Variants in WDPCP observed in about 807,000 individuals in gnomAD.
The protein encoded by WDPCP is WD repeat-containing and planar cell polarity effector protein fritz homolog.
WDPCP carries 71 observed loss-of-function variants against 93.1 expected under a neutral mutation model. The observed-to-expected ratio is 0.76, with a 90% CI of 0.63 to 0.93. The LOEUF (loss-of-function observed/expected upper bound fraction) is 0.93. WDPCP is among the 40% of genes least tolerant of loss of function. The pLI is 0.00. For synonymous variants in WDPCP, 315 were observed against 315.0 expected (o/e 1.00, Z 0.00); for missense variants, 844 against 887.4 (o/e 0.95, Z 0.62).
intron 2 of WDPCP, among the ~76,000 whole-genome samples, chr2:63,766,861 T>C (rs907587895): frequency 1.3e-5 from 2 of 152,176 alleles, no homozygotes; most frequent in African/African-American, 4.8e-5. Context: ...TTTCATTTTG[T>C]AAAACTGAAA....
chr2:63,700,089 C>T (rs1669022651), intron 2 of WDPCP, among the ~76,000 whole-genome samples: 2 of 151,732 alleles, frequency 1.3e-5, no homozygotes, highest in South Asian at 4.2e-4. Context: ...AGTTTGACAC[C>T]CGCCTGGGCA....
chr2:63,638,990 C>T (rs1310444117), intron 3 of WDPCP, among the ~76,000 whole-genome samples: 3 of 152,088 alleles, frequency 2.0e-5, no homozygotes, highest in Non-Finnish European at 4.4e-5. Context: ...ATATTAAGAA[C>T]AATTCTATGT....
At chr2:63,589,331 C>T, upstream of WDPCP, 1 of 1,550,604 alleles carries the variant, frequency 6.4e-7, no homozygotes, top group Middle Eastern at 1.7e-4. Context: ...GGACAAAATG[C>T]GACGCTGCAG....
intron 12 of WDPCP, among the ~76,000 whole-genome samples, chr2:63,313,888 T>TGTG (rs1686414633): frequency 1.4e-3 from 7 of 5,000 alleles, no homozygotes; most frequent in East Asian, 0.036. Context: ...ATATATATAT[T>TGTG]TTTTTTTTTT....
At chr2:63,607,851 GAAAAC>G (rs1709569677) in intron 3 of WDPCP, among the ~76,000 whole-genome samples, 2 of 149,850 alleles carry the variant, frequency 1.3e-5, no homozygotes, top group African/African-American at 4.9e-5. Context: ...AAGAAGAAAA[GAAAAC>G]AAACTCGAAT....
At chr2:63,689,652 A>T (rs1256785553) in intron 2 of WDPCP, among the ~76,000 whole-genome samples, 5 of 152,182 alleles carry the variant, frequency 3.3e-5, no homozygotes, top group Non-Finnish European at 7.4e-5. Flanking sequence ...AAACAGCATC[A>T]TTGCTTCTGA....
intron 10 of WDPCP, among the ~76,000 whole-genome samples, chr2:63,382,967 A>G (rs1222442949): frequency 6.6e-6 from 1 of 152,158 alleles, no homozygotes; most frequent in Non-Finnish European, 1.5e-5. Flanking sequence ...TTGGCAGTAG[A>G]TATTAATTCA....
intron 2 of WDPCP, among the ~76,000 whole-genome samples, chr2:63,809,532 T>A (rs943563284): frequency 6.6e-6 from 1 of 152,212 alleles, no homozygotes; most frequent in Non-Finnish European, 1.5e-5. Flanking sequence ...TAGAAAGAAG[T>A]AGACATGGGA....
At chr2:63,666,949 C>T (rs912947591) in intron 2 of WDPCP, among the ~76,000 whole-genome samples, 9 of 152,064 alleles carry the variant, frequency 5.9e-5, no homozygotes, top group African/African-American at 2.2e-4. Context: ...AATGCAGATG[C>T]TTTTCGTTAA....
chr2:63,832,145 A>T (rs1051089805), upstream of WDPCP, among the ~76,000 whole-genome samples: 16 of 152,346 alleles, frequency 1.1e-4, no homozygotes, highest in Admixed American at 3.3e-4. Flanking sequence ...AGGCAGTTTA[A>T]TGAGAGCTGG....
chr2:63,437,983 A>G, intron 7 of WDPCP: 1 of 1,364,648 alleles, frequency 7.3e-7, no homozygotes. Context: ...AGTGTTCTCT[A>G]CCAGTCTATT....
intron 14 of WDPCP, among the ~76,000 whole-genome samples, chr2:63,187,925 G>A (rs1212257231): frequency 6.6e-6 from 1 of 152,096 alleles, no homozygotes; most frequent in African/African-American, 2.4e-5. Flanking sequence ...ATCTGGAAAG[G>A]TCTTCATTTC....
intron 2 of WDPCP, among the ~76,000 whole-genome samples, chr2:63,754,626 C>T (rs1308792966): frequency 1.3e-5 from 2 of 152,138 alleles, no homozygotes; most frequent in African/African-American, 2.4e-5. Flanking sequence ...AAGTTTATTT[C>T]TCTCTCAACA....
chr2:63,215,899 T>C (rs182162922), intron 14 of WDPCP, among the ~76,000 whole-genome samples: 91 of 152,256 alleles, frequency 6.0e-4, no homozygotes, highest in Non-Finnish European at 4.6e-4. Flanking sequence ...GGGCAAAGGA[T>C]ATGAACAGAC....
intron 10 of WDPCP, among the ~76,000 whole-genome samples, chr2:63,401,624 G>A (rs948839725): frequency 3.9e-5 from 6 of 152,190 alleles, no homozygotes; most frequent in Admixed American, 3.3e-4. Context: ...GGGCAACATG[G>A]TAAAACCCTG....
At chr2:63,770,455 T>C (rs1315367545) in intron 2 of WDPCP, among the ~76,000 whole-genome samples, 2 of 152,028 alleles carry the variant, frequency 1.3e-5, no homozygotes, top group Admixed American at 6.6e-5. Flanking sequence ...TGTATTCAAC[T>C]ATTTTTTACC....
chr2:63,763,770 T>C (rs1670096563), intron 2 of WDPCP, among the ~76,000 whole-genome samples: 1 of 152,178 alleles, frequency 6.6e-6, no homozygotes. Flanking sequence ...GGCTATTTAT[T>C]TGTGCCAAAA....
intron 12 of WDPCP, among the ~76,000 whole-genome samples, chr2:63,332,025 G>C (rs933125730): frequency 6.6e-6 from 1 of 151,474 alleles, no homozygotes; most frequent in Non-Finnish European, 1.5e-5. Flanking sequence ...GGTGCTTTAA[G>C]TATTCATGTA....
Position 63,701,246 on chromosome 2 carries a change from T to TA in WDPCP, n.309-50409dup, listed in dbSNP as rs1168426774. Among the ~76,000 whole-genome samples, 69 of 150,938 alleles carry TA rather than the reference T, an allele frequency of 4.6e-4. 1 individual carries two copies. In the East Asian group the frequency reaches 0.012, roughly 26 times the overall value. On this transcript the variant is annotated intron_variant and non_coding_transcript_variant, in intron 2 of 4. Transcript: ENST00000467687. ...GACATATAAATGACCAATAAGAATA[T>TA]AAAAAAAAATGCTCAACATTGCTAG...
Sources: allele counts gnomAD v4.1 joint callset (sites outside exome capture counted in the v4.1 genomes callset), GRCh38; gene constraint gnomAD v4.1.1; transcripts MANE v1.5; gene names NCBI Gene and HGNC (gene_info 2026-07-23, HGNC 2026-07-21).